Variants in CTNNA3 observed in about 807,000 individuals in gnomAD.
The protein encoded by CTNNA3 is catenin alpha-3.
In CTNNA3, 76 loss-of-function variants were observed where a neutral mutation model predicts 95.7. That is an observed-to-expected ratio of 0.79 (90% CI 0.66 to 0.96). The LOEUF (loss-of-function observed/expected upper bound fraction) is 0.96. CTNNA3 is among the 40% of genes least tolerant of loss of function. CTNNA3 has a pLI of 0.00. For missense variants in CTNNA3, 1,191 were observed against 1,089.8 expected (o/e 1.09, Z -1.31); for synonymous variants, 431 against 374.4 (o/e 1.15, Z -1.74).
At chr10:66,734,647 A>G (rs912882919) in intron 9 of CTNNA3, among the ~76,000 whole-genome samples, 1 of 152,084 alleles carries the variant, frequency 6.6e-6, no homozygotes, top group African/African-American at 2.4e-5. Context: ...GTGGATCACA[A>G]GGTCAGGAGT....
intron 6 of CTNNA3, among the ~76,000 whole-genome samples, chr10:67,186,027 CAAA>C (rs201984879): frequency 1.8e-4 from 18 of 97,404 alleles, no homozygotes; most frequent in East Asian, 2.8e-4. Flanking sequence ...CTCCGTCTCA[CAAA>C]AAAAAAAAAA....
intron 1 of CTNNA3, among the ~76,000 whole-genome samples, chr10:67,650,878 G>T (rs1487489255): frequency 6.6e-6 from 1 of 152,038 alleles, no homozygotes; most frequent in Non-Finnish European, 1.5e-5. Context: ...TTGCCTAAGG[G>T]TTGCCATTCC....
At chr10:66,843,461 T>C (rs1843140072) in intron 7 of CTNNA3, among the ~76,000 whole-genome samples, 1 of 152,220 alleles carries the variant, frequency 6.6e-6, no homozygotes, top group East Asian at 1.9e-4. Context: ...CACTGTACTT[T>C]GTGAATCATC....
intron 11 of CTNNA3, among the ~76,000 whole-genome samples, chr10:66,412,938 AATTTT>A (rs1458702766): frequency 6.6e-6 from 1 of 152,192 alleles, no homozygotes; most frequent in African/African-American, 2.4e-5. Flanking sequence ...ACTTTATATT[AATTTT>A]AAGTATCCAA....
Position 67,312,006 on chromosome 10 carries a change from C to T in CTNNA3, c.580-92136G>A, listed in dbSNP as rs75268762. ...ACCACCTCACCTCACTACAATCACA[C>T]CACACCGAGCTGATTTTTTAAAGTG... On this transcript the variant is annotated intron_variant, in intron 5 of 17. Coordinates refer to ENST00000433211, the MANE Select transcript of CTNNA3 (RefSeq NM_013266.4). Among the ~76,000 whole-genome samples, 650 of 152,052 alleles carry T rather than the reference C, an allele frequency of 4.3e-3. 1 individual carries two copies. The highest frequency in any genetic ancestry group is 6.9e-3 in the Non-Finnish European group (466 of 67,966).
intron 1 of CTNNA3, among the ~76,000 whole-genome samples, chr10:67,683,258 A>C (rs1351508878): frequency 6.6e-6 from 1 of 152,206 alleles, no homozygotes; most frequent in Non-Finnish European, 1.5e-5. Context: ...CTTCTGGTGA[A>C]TCTCAGAGAA....
chr10:67,676,551 A>G (rs1356551775), intron 1 of CTNNA3, among the ~76,000 whole-genome samples: 1 of 152,166 alleles, frequency 6.6e-6, no homozygotes, highest in African/African-American at 2.4e-5. Flanking sequence ...AAATTGTTCA[A>G]AAACTCTGGG....
chr10:67,729,444 A>C (rs1841262491), intron 1 of CTNNA3, among the ~76,000 whole-genome samples: 2 of 152,160 alleles, frequency 1.3e-5, no homozygotes, highest in Admixed American at 1.3e-4. Context: ...AACATCCCAA[A>C]ACAAAAACAA....
intron 13 of CTNNA3, among the ~76,000 whole-genome samples, chr10:66,210,586 A>G (rs113606170): frequency 5.9e-4 from 90 of 152,268 alleles, no homozygotes; most frequent in African/African-American, 2.0e-3. Context: ...TACATAAATA[A>G]ATGTATACAT....
chr10:67,762,987 T>C (rs1373162336), intron 1 of CTNNA3, among the ~76,000 whole-genome samples: 7 of 152,068 alleles, frequency 4.6e-5, no homozygotes, highest in Non-Finnish European at 8.8e-5. Context: ...GGGAGCTCGG[T>C]TTTTCAGACG....
At chr10:66,038,474 C>T (rs962186313) in intron 15 of CTNNA3, among the ~76,000 whole-genome samples, 1 of 151,906 alleles carries the variant, frequency 6.6e-6, no homozygotes, top group Admixed American at 6.6e-5. Flanking sequence ...TATGCTGTCT[C>T]ATTGTGAAAA....
At chr10:66,540,060 T>G (rs912964763) in intron 10 of CTNNA3, among the ~76,000 whole-genome samples, 1 of 152,010 alleles carries the variant, frequency 6.6e-6, no homozygotes, top group African/African-American at 2.4e-5. Flanking sequence ...TCACCAAACA[T>G]TATCATCATA....
intron 12 of CTNNA3, among the ~76,000 whole-genome samples, chr10:66,293,240 GT>G (rs1392557629): frequency 2.6e-5 from 4 of 152,060 alleles, no homozygotes; most frequent in Non-Finnish European, 5.9e-5. Flanking sequence ...GGCTGAAAAT[GT>G]AGATTTTAAT....
chr10:66,427,229 T>C (rs1469819139), intron 11 of CTNNA3, among the ~76,000 whole-genome samples: 2 of 152,076 alleles, frequency 1.3e-5, no homozygotes, highest in Non-Finnish European at 2.9e-5. Context: ...AAACTCCACA[T>C]TGGAGCCCAG....
intron 11 of CTNNA3, among the ~76,000 whole-genome samples, chr10:66,477,680 T>C (rs1424463932): frequency 1.3e-5 from 2 of 152,088 alleles, no homozygotes; most frequent in African/African-American, 2.4e-5. Flanking sequence ...TTTATAGGTC[T>C]GCAGAAGCAT....
intron 3 of CTNNA3, among the ~76,000 whole-genome samples, chr10:67,560,762 A>G (rs1380204787): frequency 6.6e-6 from 1 of 152,186 alleles, no homozygotes; most frequent in Non-Finnish European, 1.5e-5. Context: ...GCAGAGACAC[A>G]CATAGGCTCA....
At chr10:67,372,231 A>G (rs9804213) in intron 5 of CTNNA3, among the ~76,000 whole-genome samples, 8,669 of 152,198 alleles carry the variant, frequency 0.057, 314 homozygotes, top group African/African-American at 0.099. Flanking sequence ...CTTGAGTTTA[A>G]TTAGATCCCA....
At chr10:66,733,003 A>C in intron 9 of CTNNA3, among the ~76,000 whole-genome samples, 1 of 151,784 alleles carries the variant, frequency 6.6e-6, no homozygotes, top group Non-Finnish European at 1.5e-5. Flanking sequence ...ACCATGTTGA[A>C]CTGGCTGGTC....
intron 13 of CTNNA3, among the ~76,000 whole-genome samples, chr10:66,113,428 A>G (rs2082193632): frequency 6.6e-6 from 1 of 152,166 alleles, no homozygotes; most frequent in East Asian, 1.9e-4. Context: ...CAAATTAGGA[A>G]CAGAAAATCT....
Sources: gnomAD v4.1 joint callset for allele counts (sites outside exome capture counted in the v4.1 genomes callset) on GRCh38, gnomAD v4.1.1 for gene constraint, MANE v1.5 for transcripts, NCBI Gene and HGNC (gene_info 2026-07-23, HGNC 2026-07-21) for gene names.